FREM2: variants seen among roughly 807,000 people sequenced by gnomAD.
FREM2 encodes FRAS1 related extracellular matrix 2, also known as FRAS1-related extracellular matrix protein 2.
Under a neutral mutation model 219.9 loss-of-function variants are expected in FREM2, and 119 were observed. That is an observed-to-expected ratio of 0.54 (90% CI 0.47 to 0.63). The LOEUF (loss-of-function observed/expected upper bound fraction) is 0.63. FREM2 is among the 30% of genes least tolerant of loss of function. The pLI is 0.00. For missense variants in FREM2, 4,030 were observed against 3,993.6 expected, an observed-to-expected ratio of 1.01 and a Z score of -0.25; for synonymous variants, 1,562 against 1,522.8, an observed-to-expected ratio of 1.03 and a Z score of -0.60.
chr13:38,850,876 G>T (rs771032188), intron 9 of FREM2, 68 bp from the exon 10 acceptor site: 12 of 1,573,990 alleles, frequency 7.6e-6, no homozygotes, highest in Non-Finnish European at 1.0e-5. Flanking sequence ...TGCCCTTATG[G>T]TGCTCACATT....
In FREM2 at chr13:38,817,817, G is replaced by A. The variant is rs553718760; in HGVS notation, c.6020-28756G>A. On this transcript the variant is annotated intron_variant, in intron 6 of 23. Transcript: ENST00000280481. ...ATTTGCAAACTATAGATGCGAAAAC[G>A]GGTTAATATCTAGAATATATAAGGG... Among the ~76,000 whole-genome samples the A allele has an allele frequency of 4.7e-4, 71 of 152,104 alleles. No individual in the cohort carries two copies. The South Asian group carries it at 0.013, about 27-fold the overall frequency.
intron 6 of FREM2, among the ~76,000 whole-genome samples, chr13:38,807,393 A>G (rs113738301): frequency 8.2e-4 from 123 of 150,214 alleles, no homozygotes; most frequent in African/African-American, 2.8e-3. Context: ...AGCAAATTAC[A>G]TATATTCTTA....
Position 38,864,478 on chromosome 13 carries a change from A to G in FREM2, c.7855A>G (p.Arg2619Gly). 6.2e-7 allele frequency: 1 copy of G among 1,614,200 alleles called. No individual in the cohort carries two copies. Among genetic ancestry groups the G allele is most frequent in the Non-Finnish European group, 8.5e-7 (1 of 1,180,030 alleles). The change falls in exon 16 of 24, where the codon AGA (arginine) becomes GGA (glycine). Residue 2619 changes from arginine (R) to glycine (G), a missense_variant. Transcript: ENST00000280481. ...TCCTTACCAGTACAGCTTGTCCATC[A>G]GAGGTTCCACTACCTTGCGCTTCTA... The part of the protein sequence containing the change: ...TYPYQYSLSI[R>G]GSTTLRFYRN...
chr13:38,880,630 C>T lies in FREM2; in HGVS notation c.9353C>T (p.Thr3118Ile), dbSNP rs374716347. The change falls in exon 24 of 24, where the codon ACC becomes ATC. Residue 3118 changes from threonine to isoleucine, a missense_variant. Physicochemically the swap from Thr to Ile is moderately conservative, Grantham distance 89. Transcript: ENST00000280481. Reference protein sequence around the residue: ...AVSLVTVVGGTTVGLLTICLT... With the variant: ...AVSLVTVVGGITVGLLTICLT... ...AGCCTGGTCACTGTGGTGGGAGGCA[C>T]CACGGTAGGGTTACTCACCATCTGC... 1 of 1,613,768 alleles carries T rather than the reference C, an allele frequency of 6.2e-7. No individual in the cohort carries two copies. The highest frequency in any genetic ancestry group is 1.3e-5 in the African/African-American group (1 of 74,920).
intron 22 of FREM2, 54 bp downstream of exon 22, chr13:38,878,375 C>T (rs9548520): frequency 1.1e-5 from 15 of 1,309,214 alleles, no homozygotes; most frequent in Non-Finnish European, 1.6e-5. Flanking sequence ...AGTTCAGCCT[C>T]CTTGTCTTAT....
intron 2 of FREM2, among the ~76,000 whole-genome samples, chr13:38,747,124 T>G (rs1593381338): frequency 6.6e-6 from 1 of 152,262 alleles, no homozygotes; most frequent in East Asian, 1.9e-4. Flanking sequence ...GCCCACCATA[T>G]TGAGAAAAGG....
Position 38,766,289 on chromosome 13 carries a change from A to G in FREM2, c.5410+1839A>G, listed in dbSNP as rs573968238. 3.9e-5 allele frequency among the ~76,000 whole-genome samples: 6 copies of G among 152,166 alleles called. No individual in the cohort carries two copies. The East Asian group carries it at 9.7e-4, about 25-fold the overall frequency. On this transcript the variant is annotated intron_variant, in intron 3 of 23. Coordinates refer to ENST00000280481, the MANE Select transcript of FREM2 (RefSeq NM_207361.6). The stretch of plus-strand genomic sequence containing the variant: ...GCTCTTTTTGTTGTTATTTTTTTCA[A>G]TGCACTATTATTTTCTACGAATGTG...
At chr13:38,726,266 A>T (rs1441126817) in intron 2 of FREM2, among the ~76,000 whole-genome samples, 1 of 152,150 alleles carries the variant, frequency 6.6e-6, no homozygotes, top group Non-Finnish European at 1.5e-5. Flanking sequence ...ATTATCTGGT[A>T]CCGGGCCCTG....
At chr13:38,841,926 T>G (rs139712333) in intron 6 of FREM2, among the ~76,000 whole-genome samples, 28 of 152,156 alleles carry the variant, frequency 1.8e-4, no homozygotes, top group African/African-American at 6.3e-4. Context: ...TCAGAGACAA[T>G]GGGGGACATA....
chr13:38,775,357 A>C (rs1237600349), intron 4 of FREM2, among the ~76,000 whole-genome samples: 1 of 152,250 alleles, frequency 6.6e-6, no homozygotes, highest in Non-Finnish European at 1.5e-5. Context: ...TAAAGCAGGC[A>C]TGAGAGAGCT....
chr13:38,749,728 G>A (rs560671444), intron 2 of FREM2, among the ~76,000 whole-genome samples: 10 of 151,962 alleles, frequency 6.6e-5, no homozygotes, highest in South Asian at 6.3e-4. Flanking sequence ...TCCAGACATC[G>A]CCAAACATTC....
chr13:38,688,665 G>A lies in FREM2; in HGVS notation c.1321G>A (p.Val441Ile). 1 of 1,614,138 alleles carries A rather than the reference G, an allele frequency of 6.2e-7. No individual in the cohort carries two copies. The highest frequency in any genetic ancestry group is 8.5e-7 in the Non-Finnish European group (1 of 1,180,018). ...VKPMNTMAPV[V>I]TRNTGLILYE... ...GCCCATGAACACAATGGCTCCGGTG[G>A]TCACCCGGAATACCGGTCTTATTCT... Residue 441 changes from valine (V) to isoleucine (I), a missense_variant, in exon 1 of 24, where the codon GTC (valine) becomes ATC (isoleucine). Val to Ile is a conservative substitution (Grantham distance 29). This residue lies in a region of FREM2 where 3,102 missense variants were observed against 2,950.7 expected (regional missense o/e 1.05). Transcript: ENST00000280481.
chr13:38,874,375 A>G (rs1457340921), intron 17 of FREM2, 107 bp from the exon 18 acceptor site: 2 of 845,038 alleles, frequency 2.4e-6, no homozygotes, highest in East Asian at 2.4e-5. Context: ...CCCTTTGCCC[A>G]GAATGTTTAA....
At chr13:38,852,288 A>T (rs1324298656) in intron 11 of FREM2, among the ~76,000 whole-genome samples, 1 of 152,108 alleles carries the variant, frequency 6.6e-6, no homozygotes, top group Non-Finnish European at 1.5e-5. Flanking sequence ...ACTCTTTTAA[A>T]TTCCTCTCGT....
Position 38,859,535 on chromosome 13 carries a change from T to C in FREM2, c.7464T>C (p.Asn2488=), listed in dbSNP as rs762538625. ...GCGCAGCTCGTGCTGTGAACACCAA[T>C]GGGGATGAAGGCCTGGAGCTCATGA... ...VQCAARAVNT[N]GDEGLELMSP... Residue 2488 remains asparagine, a synonymous_variant, in exon 14 of 24, where the codon AAT becomes AAC. Coordinates refer to ENST00000280481, the MANE Select transcript of FREM2 (RefSeq NM_207361.6). The C allele has an allele frequency of 1.2e-6, 2 of 1,613,962 alleles. No individual in the cohort carries two copies. The highest frequency in any genetic ancestry group is 1.7e-5 in the Admixed American group (1 of 59,994).
chr13:38,798,314 G>A (rs1168377865), intron 6 of FREM2, among the ~76,000 whole-genome samples: 1 of 152,086 alleles, frequency 6.6e-6, no homozygotes, highest in African/African-American at 2.4e-5. Context: ...TTGCAACCCT[G>A]TTTTAAATTG....
chr13:38,706,826 G>A (rs972230605), intron 2 of FREM2, among the ~76,000 whole-genome samples: 1 of 151,992 alleles, frequency 6.6e-6, no homozygotes. Flanking sequence ...ATCCCAATGA[G>A]TTCAAAAGGA....
At chr13:38,812,194 T>G (rs1011010768) in intron 6 of FREM2, among the ~76,000 whole-genome samples, 2 of 152,200 alleles carry the variant, frequency 1.3e-5, no homozygotes, top group African/African-American at 2.4e-5. Context: ...TCTTTATAAG[T>G]GAAGTATGTT....
chr13:38,746,159 A>T (rs940050902), intron 2 of FREM2, among the ~76,000 whole-genome samples: 1 of 152,202 alleles, frequency 6.6e-6, no homozygotes, highest in African/African-American at 2.4e-5. Context: ...TCTTTAGACC[A>T]CTTATGCTAA....
Sources: allele counts gnomAD v4.1 joint callset (sites outside exome capture counted in the v4.1 genomes callset), GRCh38; gene constraint gnomAD v4.1.1; regional missense constraint gnomAD v4.1.1; transcripts MANE v1.5; gene names NCBI Gene and HGNC (gene_info 2026-07-23, HGNC 2026-07-21).